The following NPIPB2 variants were observed in gnomAD, a reference collection of about 807,000 sequenced individuals.
NPIPB2 encodes the protein nuclear pore complex-interacting protein family member B2.
Under a neutral mutation model 30.8 loss-of-function variants are expected in NPIPB2, and 27 were observed. That is an observed-to-expected ratio of 0.88 (90% CI 0.65 to 1.21). NPIPB2 has a LOEUF of 1.21. NPIPB2 is among the 50% of genes most tolerant of loss of function. NPIPB2 has a pLI of 0.00. For missense variants in NPIPB2, 440 were observed against 446.2 expected (o/e 0.99, Z 0.13); for synonymous variants, 147 against 162.0 (o/e 0.91, Z 0.70).
chr16:11,952,483 A>G (rs2055076306), intron 1 of NPIPB2, among the ~76,000 whole-genome samples: 1 of 152,158 alleles, frequency 6.6e-6, no homozygotes, highest in Non-Finnish European at 1.5e-5. Flanking sequence ...TTTCAAATGG[A>G]AATAGGACCC....
rs2055204479 is a variant in NPIPB2 at position 11,967,502 on chromosome 16, C to T, written c.-584+9066G>A. ...ACATTGCTTTGAGTCCCGATGTGTA[C>T]TGCTAAGACTCTCATGACCACATTC... is the stretch of plus-strand genomic sequence containing the variant. On this transcript the variant is annotated intron_variant, in intron 1 of 5. Transcript: ENST00000538896. 7.3e-6 allele frequency: 11 copies of T among 1,497,000 alleles called. No individual in the cohort carries two copies. In the South Asian group the frequency reaches 1.1e-4, roughly 15 times the overall value. The allele number at this position is 1,497,000 out of a possible 1,614,324, so 92.7% of individuals were successfully genotyped here. A position where few individuals can be genotyped will look rare whatever the true frequency, so the allele number is the denominator to read the frequency against.
upstream of NPIPB2, among the ~76,000 whole-genome samples, chr16:11,946,585 T>C (rs2055012637): frequency 6.6e-6 from 1 of 151,506 alleles, no homozygotes; most frequent in African/African-American, 2.4e-5. Flanking sequence ...AGAAAAGCAA[T>C]GCATAATGAG....
intron 1 of NPIPB2, among the ~76,000 whole-genome samples, chr16:11,975,745 C>G (rs1404719467): frequency 6.6e-6 from 1 of 152,010 alleles, no homozygotes; most frequent in Non-Finnish European, 1.5e-5. Context: ...CGCACGCCAC[C>G]ATGCCTGGCT....
intron 1 of NPIPB2, among the ~76,000 whole-genome samples, chr16:11,953,607 C>T (rs1458017337): frequency 6.6e-6 from 1 of 152,236 alleles, no homozygotes; most frequent in South Asian, 2.1e-4. Context: ...ACCTTGGCTT[C>T]TCAAAGTGCC....
chr16:11,966,174 T>C, intron 1 of NPIPB2: 1 of 1,597,206 alleles, frequency 6.3e-7, no homozygotes, highest in Middle Eastern at 1.7e-4. Flanking sequence ...TCATTATCTG[T>C]CTGATGTTCT....
intron 1 of NPIPB2, among the ~76,000 whole-genome samples, chr16:11,952,175 C>A (rs938857731): frequency 3.4e-4 from 44 of 128,810 alleles, no homozygotes; most frequent in Middle Eastern, 4.1e-3. Flanking sequence ...AAAAACAAAA[C>A]AAAAAAAAAA....
Position 11,935,897 on chromosome 16 carries a change from G to A in NPIPB2, c.192+1643C>T, listed in dbSNP as rs1427581752. 4.4e-5 allele frequency among the ~76,000 whole-genome samples: 3 copies of A among 68,610 alleles called. 1 individual carries two copies. Among genetic ancestry groups the A allele is most frequent in the African/African-American group, 1.5e-4 (3 of 19,894 alleles). 45.0% of individuals were successfully genotyped at this position (68,610 alleles called of 152,430 possible). A position where few individuals can be genotyped will look rare whatever the true frequency, so the allele number is the denominator to read the frequency against. ...GCACCCATGATATCCCTGCTTAGGA[G>A]GTAATGGTATAGATGACTAGATGAC... On this transcript the variant is annotated intron_variant, in intron 2 of 7. Transcript: ENST00000399147.
At chr16:11,944,625 T>G (rs1295969601), upstream of NPIPB2, among the ~76,000 whole-genome samples, 1 of 141,810 alleles carries the variant, frequency 7.1e-6, no homozygotes, top group Non-Finnish European at 1.5e-5. Flanking sequence ...TAGCTGGGCG[T>G]GGTGGTGCGC....
At chr16:11,927,461 C>T (rs771760925) in exon 8 of NPIPB2, 8 of 1,175,032 alleles carry the variant, frequency 6.8e-6, no homozygotes, top group South Asian at 2.7e-5. Context: ...AGCGGCCCTC[C>T]GCCTCTTGGG....
intron 1 of NPIPB2, among the ~76,000 whole-genome samples, chr16:11,970,860 CT>C (rs59476811): frequency 1.1e-3 from 114 of 107,252 alleles, no homozygotes; most frequent in Non-Finnish European, 8.9e-4. Flanking sequence ...TTACTCGTTT[CT>C]TTTTTTTTTT....
intron 1 of NPIPB2, among the ~76,000 whole-genome samples, chr16:11,972,568 G>A (rs533435611): frequency 1.3e-5 from 2 of 151,658 alleles, no homozygotes; most frequent in South Asian, 2.1e-4. Flanking sequence ...CAGTGAGACC[G>A]CATCTTCAAA....
chr16:11,957,746 T>C (rs1019124609), intron 1 of NPIPB2, among the ~76,000 whole-genome samples: 3 of 152,148 alleles, frequency 2.0e-5, no homozygotes, highest in African/African-American at 7.2e-5. Context: ...CCTCTCTGAG[T>C]GTCTGGCCTG....
rs1444023756 is a variant in NPIPB2, at chr16:11,941,978, C to A, written c.63+5G>T. ...GATGGCAGGATGGCAGGAAGAACCTCATACCCAAGCAGAGTGCCAGGTTTT... is the reference window on the plus strand; with the variant it reads ...GATGGCAGGATGGCAGGAAGAACCTAATACCCAAGCAGAGTGCCAGGTTTT... On this transcript the variant is annotated splice_donor_5th_base_variant and intron_variant, in intron 1 of 7. Transcript: ENST00000399147. The A allele has an allele frequency of 9.2e-7, 1 of 1,088,914 alleles. No individual in the cohort carries two copies. Among genetic ancestry groups the A allele is most frequent in the Non-Finnish European group, 1.3e-6 (1 of 744,254 alleles). 67.5% of individuals were successfully genotyped at this position (1,088,914 alleles called of 1,614,324 possible).
intron 1 of NPIPB2, among the ~76,000 whole-genome samples, chr16:11,952,887 T>C (rs1328786252): frequency 1.3e-5 from 2 of 151,990 alleles, no homozygotes; most frequent in Non-Finnish European, 2.9e-5. Flanking sequence ...CTTTCTTTGT[T>C]AGAACATAAA....
chr16:11,935,578 TGCTGGGATTACAG>T (rs2054854711), intron 2 of NPIPB2, among the ~76,000 whole-genome samples: 1 of 152,152 alleles, frequency 6.6e-6, no homozygotes, highest in African/African-American at 2.4e-5. Context: ...CCTCCCAAAG[TGCTGGGATTACAG>T]GCATGAGCCA....
At chr16:11,955,397 G>A (rs1448582192) in intron 1 of NPIPB2, among the ~76,000 whole-genome samples, 3 of 147,218 alleles carry the variant, frequency 2.0e-5, no homozygotes, top group Non-Finnish European at 4.5e-5. Context: ...TTTAGAGAGA[G>A]ACTATCTTTG....
upstream of NPIPB2, among the ~76,000 whole-genome samples, chr16:11,944,024 A>G (rs1376754774): frequency 1.4e-5 from 2 of 140,076 alleles, no homozygotes; most frequent in Non-Finnish European, 3.1e-5. Flanking sequence ...AAGAGGCAAA[A>G]CTAATAGTAT....
rs572805527 is a variant in NPIPB2, at chr16:11,969,415, C to T, written c.-584+7153G>A. 1.8e-4 allele frequency among the ~76,000 whole-genome samples: 27 copies of T among 152,222 alleles called. 1 individual carries two copies. In the East Asian group the frequency reaches 5.0e-3, roughly 28 times the overall value. On this transcript the variant is annotated intron_variant, in intron 1 of 5. Coordinates refer to the NPIPB2 transcript ENST00000538896. ...GGGATTACAGGTGCCCGCCACTGCG[C>T]CTGGCTAATTTTTGTATTTTTAGTA...
intron 1 of NPIPB2, among the ~76,000 whole-genome samples, chr16:11,961,987 C>T (rs1296389101): frequency 1.3e-5 from 2 of 151,062 alleles, no homozygotes. Flanking sequence ...ATCACTTGAG[C>T]CCAGGAGTTC....
Sources: gnomAD v4.1 joint callset for allele counts (sites outside exome capture counted in the v4.1 genomes callset) on GRCh38, gnomAD v4.1.1 for gene constraint, MANE v1.5 for transcripts, NCBI Gene and HGNC (gene_info 2026-07-23, HGNC 2026-07-21) for gene names.